Variants in RASSF5 observed in about 807,000 individuals in gnomAD.
The protein encoded by RASSF5 is ras association domain-containing protein 5.
In RASSF5, 25 loss-of-function variants were observed where a neutral mutation model predicts 40.5. The ratio of observed to expected loss-of-function variants is 0.62; its 90% confidence interval spans 0.45 to 0.86. RASSF5 has a LOEUF of 0.86. Among genes scored for constraint, RASSF5 ranks in the 40% least tolerant of loss-of-function variants. RASSF5 has a pLI of 0.00. For synonymous variants in RASSF5, 246 were observed against 252.4 expected, an observed-to-expected ratio of 0.97 and a Z score of 0.24; for missense variants, 521 against 572.8, an observed-to-expected ratio of 0.91 and a Z score of 0.92.
In RASSF5 at chr1:206,508,024, GA is replaced by G; in HGVS notation, c.423del (p.Arg142GlufsTer24). The G allele has an allele frequency of 4.2e-6, 6 of 1,440,336 alleles. No individual in the cohort carries two copies. Among genetic ancestry groups the G allele is most frequent in the Non-Finnish European group, 5.5e-6 (6 of 1,096,924 alleles). 89.2% of individuals were successfully genotyped at this position (1,440,336 alleles called of 1,614,324 possible). A position where few individuals can be genotyped will look rare whatever the true frequency, so the allele number is the denominator to read the frequency against. ...PGGPGWCDLCGREVLRQALRC... is the reference protein window; with the variant it reads ...PGGPGWCDLCXREVLRQALRC... ...GGCCCCGGCTGGTGTGACCTGTGCG[GA>G]CGAGAGGTGCTGCGGCAGGCGCTGC... On this transcript the variant is annotated frameshift_variant, in exon 1 of 6. Transcript: ENST00000579436. LOFTEE classifies it high-confidence loss of function.
chr1:206,538,349 C>T, intron 2 of RASSF5, 56 bp downstream of exon 2: 1 of 1,600,032 alleles, frequency 6.2e-7, no homozygotes, highest in Non-Finnish European at 8.5e-7. Context: ...GTGCCCCGGG[C>T]TCCACTTTCT....
chr1:206,567,907 C>T (rs1040042228), intron 2 of RASSF5, among the ~76,000 whole-genome samples: 5 of 152,156 alleles, frequency 3.3e-5, no homozygotes, highest in African/African-American at 1.2e-4. Flanking sequence ...TAAGAGGAAA[C>T]TGAAGCACGG....
At chr1:206,545,994 A>T in intron 2 of RASSF5, among the ~76,000 whole-genome samples, 1 of 144,052 alleles carries the variant, frequency 6.9e-6, no homozygotes. Flanking sequence ...TCTGTCACCC[A>T]GGCTGGAGTG....
chr1:206,547,671 C>T (rs1018840369), intron 2 of RASSF5, among the ~76,000 whole-genome samples: 1 of 152,108 alleles, frequency 6.6e-6, no homozygotes. Flanking sequence ...CCCCAAACCA[C>T]CAGCCCCACC....
chr1:206,585,392 G>A (rs1481383678), intron 5 of RASSF5, 97 bp downstream of exon 5: 13 of 835,090 alleles, frequency 1.6e-5, no homozygotes, highest in Non-Finnish European at 2.7e-5. Context: ...TGGGAGCCAC[G>A]CAGCACGGGC....
At position 206,584,373 on chromosome 1, in the gene RASSF5, G is replaced by A; in HGVS notation, c.691-14G>A. 6.2e-7 allele frequency: 1 copy of A among 1,600,068 alleles called. No individual in the cohort carries two copies. Among genetic ancestry groups the A allele is most frequent in the Non-Finnish European group, 8.5e-7 (1 of 1,172,100 alleles). On this transcript the variant is annotated splice_polypyrimidine_tract_variant and intron_variant, in intron 3 of 5. Coordinates refer to ENST00000579436, the MANE Select transcript of RASSF5 (RefSeq NM_182663.4). This position sits in a 1 kb window ranked among gnomAD's most constrained non-coding sequence, Gnocchi z 4.9. ...GGACGGCCCTGACCCCCTGTGACAT[G>A]CCCCCGCTGGCAGAGTGAAGACGGC...
chr1:206,566,050 G>T (rs1032197513), intron 2 of RASSF5, among the ~76,000 whole-genome samples: 13 of 152,220 alleles, frequency 8.5e-5, no homozygotes, highest in African/African-American at 2.4e-4. Flanking sequence ...AGCAAGAAAA[G>T]CAGGGAGGGA....
At chr1:206,517,284 G>A (rs1383100081) in intron 1 of RASSF5, among the ~76,000 whole-genome samples, 1 of 151,966 alleles carries the variant, frequency 6.6e-6, no homozygotes, top group Non-Finnish European at 1.5e-5. Flanking sequence ...GACCAGCCTG[G>A]GGAACATGGT....
chr1:206,522,699 A>G (rs921383169), intron 1 of RASSF5, among the ~76,000 whole-genome samples: 1 of 152,082 alleles, frequency 6.6e-6, no homozygotes, highest in Non-Finnish European at 1.5e-5. Flanking sequence ...TCTCCTGGCC[A>G]TCACTGTCAT....
chr1:206,554,504 A>G (rs1553401481), intron 2 of RASSF5, among the ~76,000 whole-genome samples: 1 of 152,198 alleles, frequency 6.6e-6, no homozygotes, highest in South Asian at 2.1e-4. Flanking sequence ...CCCCAGCACG[A>G]CGCCATGGAT....
At chr1:206,563,076 A>G (rs565314327) in intron 2 of RASSF5, among the ~76,000 whole-genome samples, 1 of 152,280 alleles carries the variant, frequency 6.6e-6, no homozygotes, top group South Asian at 2.1e-4. Context: ...CTTTACTTAA[A>G]AAAGTTAGAT....
chr1:206,558,669 C>T (rs138199129), intron 2 of RASSF5, among the ~76,000 whole-genome samples: 20 of 152,300 alleles, frequency 1.3e-4, no homozygotes, highest in African/African-American at 4.6e-4. Flanking sequence ...CTCTGCCTTT[C>T]CTGGATTCTG....
At chr1:206,538,990 C>A (rs1667483256) in intron 2 of RASSF5, among the ~76,000 whole-genome samples, 1 of 152,160 alleles carries the variant, frequency 6.6e-6, no homozygotes, top group South Asian at 2.1e-4. Context: ...CAACAAATAG[C>A]ATACACTGTG....
intron 1 of RASSF5, among the ~76,000 whole-genome samples, chr1:206,509,465 C>T (rs1431668594): frequency 6.6e-6 from 1 of 152,258 alleles, no homozygotes; most frequent in Non-Finnish European, 1.5e-5. Flanking sequence ...AGAGGGGCTG[C>T]TGTCCCTTGG....
At chr1:206,559,334 G>A (rs1668077131) in intron 2 of RASSF5, among the ~76,000 whole-genome samples, 1 of 152,248 alleles carries the variant, frequency 6.6e-6, no homozygotes, top group South Asian at 2.1e-4. Context: ...ATTAGGTGAG[G>A]AAGAGGCACT....
intron 2 of RASSF5, among the ~76,000 whole-genome samples, chr1:206,569,416 A>G (rs1553403874): frequency 6.6e-6 from 1 of 152,222 alleles, no homozygotes; most frequent in Non-Finnish European, 1.5e-5. Flanking sequence ...AGCAACCCTC[A>G]GAGAGAAGAC....
chr1:206,576,507 C>CA (rs1668664866), intron 2 of RASSF5, among the ~76,000 whole-genome samples: 1 of 152,170 alleles, frequency 6.6e-6, no homozygotes, highest in South Asian at 2.1e-4. Flanking sequence ...AGTGAAGTTA[C>CA]AAAGGCCCAT....
In RASSF5 at chr1:206,586,876, A is replaced by G. The variant is rs1553407763; in HGVS notation, c.1155A>G (p.Glu385=). The change falls in exon 6 of 6, where the codon GAA becomes GAG. Residue 385 remains glutamate (E), a synonymous_variant. Transcript: ENST00000579436. The part of the protein sequence containing the change: ...PELQNFLTIL[E]KEEQDKIQQV... ...TTCAGAACTTCCTAACAATCCTGGA[A>G]AAAGAGGAGCAGGACAAAATCCAAC... 6.2e-7 allele frequency: 1 copy of G among 1,614,194 alleles called. No individual in the cohort carries two copies. Among genetic ancestry groups the G allele is most frequent in the Admixed American group, 1.7e-5 (1 of 60,022 alleles).
At chr1:206,542,591 A>G (rs554879915) in intron 2 of RASSF5, 56 of 152,250 alleles carry the variant, frequency 3.7e-4, no homozygotes, top group African/African-American at 1.3e-3. Flanking sequence ...CTGGGCAGCA[A>G]CCTCGGAAAC....
Sources: allele counts gnomAD v4.1 joint callset (sites outside exome capture counted in the v4.1 genomes callset), GRCh38; gene constraint gnomAD v4.1.1; non-coding constraint Gnocchi (gnomAD v3.1); transcripts MANE v1.5; gene names NCBI Gene and HGNC (gene_info 2026-07-23, HGNC 2026-07-21).